The following LAD1 variants were observed in gnomAD, a reference collection of about 807,000 sequenced individuals.
LAD1 encodes the protein ladinin 1.
A neutral mutation model predicts 54.2 loss-of-function variants in LAD1; 53 were observed. The ratio of observed to expected loss-of-function variants is 0.98; its 90% CI spans 0.78 to 1.23. The LOEUF is 1.23. Among genes scored for constraint, LAD1 ranks in the 50% most tolerant of loss-of-function variants. The pLI, the probability that LAD1 is intolerant of heterozygous loss-of-function variation, is 0.00. For synonymous variants in LAD1, 231 were observed against 257.7 expected (o/e 0.90, Z 0.99); for missense variants, 637 against 653.3 (o/e 0.98, Z 0.27).
intron 8 of LAD1, 21 bp from the exon 9 acceptor site, chr1:201,382,347 G>A: frequency 2.5e-6 from 4 of 1,590,072 alleles, no homozygotes; most frequent in Non-Finnish European, 2.6e-6. Flanking sequence ...GTATCAGGGT[G>A]GAGACCAGAG....
At chr1:201,382,973 CA>C in intron 7 of LAD1, 100 bp downstream of exon 7, 1 of 1,373,994 alleles carries the variant, frequency 7.3e-7, no homozygotes, top group Non-Finnish European at 1.0e-6. Flanking sequence ...CATTAATTGA[CA>C]CATGAAAACA....
intron 1 of LAD1, 87 bp downstream of exon 1, chr1:201,399,182 G>C: frequency 1.8e-6 from 2 of 1,112,396 alleles, no homozygotes; most frequent in Non-Finnish European, 2.6e-6. Flanking sequence ...AGGGTCCCAG[G>C]CGGGGAGGAG....
At chr1:201,388,583 T>G (rs1415600960) in intron 2 of LAD1, among the ~76,000 whole-genome samples, 1 of 141,798 alleles carries the variant, frequency 7.1e-6, no homozygotes, top group Non-Finnish European at 1.5e-5. Context: ...CTCAGGAGGC[T>G]GAGGCAGAAG....
chr1:201,389,250 C>CTG lies in LAD1; in HGVS notation c.90_91dup (p.Arg31ThrfsTer8). The CTG allele has an allele frequency of 6.2e-7, 1 of 1,614,074 alleles. No individual in the cohort carries two copies. Among genetic ancestry groups the CTG allele is most frequent in the Non-Finnish European group, 8.5e-7 (1 of 1,180,006 alleles). ...GGAGCTCAGGTTGCGGTGCCGCCGC[C>CTG]TGCGCTCGCGCTCCTGTTCCTCCTC... On this transcript the variant is annotated frameshift_variant, in exon 2 of 10. Transcript: ENST00000391967. LOFTEE classifies it high-confidence loss of function.
intron 1 of LAD1, among the ~76,000 whole-genome samples, chr1:201,390,045 G>C (rs1174772880): frequency 6.6e-6 from 1 of 151,406 alleles, no homozygotes; most frequent in Admixed American, 6.6e-5. Flanking sequence ...TCAGCCTCCT[G>C]AGTAGCTAGG....
chr1:201,383,412 G>A (rs1181834372), intron 5 of LAD1, 23 bp from the exon 6 acceptor site: 31 of 1,612,880 alleles, frequency 1.9e-5, no homozygotes, highest in African/African-American at 2.7e-5. Flanking sequence ...AGATGGAACA[G>A]GCGAGCCAAG....
chr1:201,383,332 G>T lies in LAD1; in HGVS notation c.1233C>A (p.Tyr411Ter). The change falls in exon 6 of 10, where the codon TAC (tyrosine) becomes TAA (stop). Residue 411 changes from tyrosine to a stop codon, truncating the protein, a stop_gained. Coordinates refer to ENST00000391967, the MANE Select transcript of LAD1 (RefSeq NM_005558.4). LOFTEE classifies it high-confidence loss of function. ...TVKLGEKLER[Y>*]HTAIRRSESV... is the part of the protein sequence containing the mutation. ...CCCCACCCACCCGTATGGCCGTGTG[G>T]TATCTCTCCAGCTTCTCTCCCAACT... 2 of 1,614,046 alleles carry T rather than the reference G, an allele frequency of 1.2e-6. No individual in the cohort carries two copies. The highest frequency in any genetic ancestry group is 1.7e-6 in the Non-Finnish European group (2 of 1,180,024).
At chr1:201,382,151 G>A (rs369465333) in intron 9 of LAD1, 101 bp downstream of exon 9, 673 of 1,036,320 alleles carry the variant, frequency 6.5e-4, no homozygotes, top group Middle Eastern at 9.1e-4. Flanking sequence ...GGTGGACTGC[G>A]CGATTGCAGG....
chr1:201,390,526 C>A (rs1267895506), intron 1 of LAD1, among the ~76,000 whole-genome samples: 1 of 152,066 alleles, frequency 6.6e-6, no homozygotes, highest in African/African-American at 2.4e-5. Flanking sequence ...AAGAGTGAAA[C>A]TCCATCTCAA....
chr1:201,385,904 G>A, intron 3 of LAD1, 99 bp from the exon 4 acceptor site: 1 of 853,914 alleles, frequency 1.2e-6, no homozygotes, highest in Non-Finnish European at 2.0e-6. Context: ...GCAGGAAGAG[G>A]GGAGAATGAG....
At chr1:201,382,578 A>AAATGACTC in intron 8 of LAD1, 75 bp downstream of exon 8, 5 of 1,258,366 alleles carry the variant, frequency 4.0e-6, no homozygotes, top group African/African-American at 3.0e-5. Context: ...TCCTCTCCCG[A>AAATGACTC]CTGTCCCTCC....
Position 201,384,843 on chromosome 1 carries a change from G to A in LAD1, c.1132-8C>T. On this transcript the variant is annotated splice_region_variant and splice_polypyrimidine_tract_variant and intron_variant, in intron 4 of 9. Transcript: ENST00000391967. Reference sequence around the variant, plus strand: ...TTCTTTCTTGGGTTTCATCTGAAATGAGAAGGAAAGGCATTGTTGTGTGGG... The same window carrying A: ...TTCTTTCTTGGGTTTCATCTGAAATAAGAAGGAAAGGCATTGTTGTGTGGG... 6.2e-7 allele frequency: 1 copy of A among 1,613,842 alleles called. No homozygotes were observed. The highest frequency in any genetic ancestry group is 8.5e-7 in the Non-Finnish European group (1 of 1,179,982).
chr1:201,393,383 G>A (rs954490903), intron 1 of LAD1, among the ~76,000 whole-genome samples: 1 of 152,184 alleles, frequency 6.6e-6, no homozygotes, highest in African/African-American at 2.4e-5. Flanking sequence ...TGAGCAGGCT[G>A]GTGGGGGTAA....
chr1:201,390,314 G>A (rs559121109), intron 1 of LAD1, among the ~76,000 whole-genome samples: 2 of 151,620 alleles, frequency 1.3e-5, no homozygotes, highest in Non-Finnish European at 2.9e-5. Context: ...GGGAGGCTGA[G>A]GAGGGTGGAT....
chr1:201,397,036 C>A (rs1363903697), intron 1 of LAD1, among the ~76,000 whole-genome samples: 1 of 152,210 alleles, frequency 6.6e-6, no homozygotes, highest in African/African-American at 2.4e-5. Flanking sequence ...GGGCACCCAG[C>A]CAGCCAGCTC....
intron 1 of LAD1, among the ~76,000 whole-genome samples, chr1:201,394,222 A>C (rs1165193734): frequency 2.6e-5 from 4 of 152,180 alleles, no homozygotes; most frequent in African/African-American, 4.8e-5. Flanking sequence ...TAGAAATTAC[A>C]AAACTTCTGC....
At chr1:201,390,068 C>T (rs145262566) in intron 1 of LAD1, among the ~76,000 whole-genome samples, 26 of 151,760 alleles carry the variant, frequency 1.7e-4, no homozygotes, top group African/African-American at 6.0e-4. Flanking sequence ...TACAGGTGTG[C>T]ACCACTACAC....
At chr1:201,389,698 T>C (rs1049573759) in intron 1 of LAD1, among the ~76,000 whole-genome samples, 17 of 150,158 alleles carry the variant, frequency 1.1e-4, no homozygotes, top group African/African-American at 4.2e-4. Context: ...GGTGCACACC[T>C]GTAGTCCCAG....
intron 1 of LAD1, chr1:201,391,152 G>T (rs1188158860): frequency 4.4e-6 from 2 of 456,442 alleles, no homozygotes; most frequent in African/African-American, 4.0e-5. Flanking sequence ...CTTTCAGATG[G>T]AAAGAGCTTC....
Sources: gnomAD v4.1 joint callset for allele counts (sites outside exome capture counted in the v4.1 genomes callset) on GRCh38, gnomAD v4.1.1 for gene constraint, MANE v1.5 for transcripts, NCBI Gene and HGNC (gene_info 2026-07-23, HGNC 2026-07-21) for gene names.